The following FAM117A variants were observed in gnomAD, a reference collection of about 807,000 sequenced individuals.
FAM117A encodes family with sequence similarity 117 member A, also known as protein FAM117A.
FAM117A carries 21 observed loss-of-function variants against 44.1 expected under a neutral mutation model. That is an observed-to-expected ratio of 0.48 (90% confidence interval 0.34 to 0.69). The LOEUF is 0.69. Ranked by LOEUF, FAM117A falls within the 30% of genes least tolerant of loss-of-function variation. FAM117A has a pLI of 0.01. For missense variants in FAM117A, 498 were observed against 589.9 expected (o/e 0.84, Z 1.61); for synonymous variants, 220 against 238.3 (o/e 0.92, Z 0.71).
intron 1 of FAM117A, among the ~76,000 whole-genome samples, chr17:49,738,979 A>C (rs545735970): frequency 5.9e-5 from 9 of 152,176 alleles, no homozygotes; most frequent in African/African-American, 1.2e-4. Context: ...TGAGACAATG[A>C]CATGTCTCGT....
chr17:49,761,602 C>T (rs553817775), intron 1 of FAM117A, among the ~76,000 whole-genome samples: 1 of 152,212 alleles, frequency 6.6e-6, no homozygotes, highest in East Asian at 1.9e-4. Context: ...GATTTAAAAC[C>T]CAGGCATTCC....
upstream of FAM117A, chr17:49,765,641 G>T (rs2073743361): frequency 6.6e-6 from 1 of 152,172 alleles, no homozygotes; most frequent in African/African-American, 2.4e-5. Context: ...TTCAAGATCT[G>T]ACATTTGAAC....
chr17:49,717,919 C>A (rs189354293), intron 5 of FAM117A: 193 of 494,930 alleles, frequency 3.9e-4, no homozygotes, highest in African/African-American at 3.3e-3. Flanking sequence ...TAGCACTTTG[C>A]TCTTATCCCT....
At chr17:49,783,349 G>T (rs185380605) in intron 1 of FAM117A, among the ~76,000 whole-genome samples, 6 of 152,210 alleles carry the variant, frequency 3.9e-5, no homozygotes, top group Admixed American at 2.0e-4. Flanking sequence ...GTGGAGGAAG[G>T]GGGGGAGATG....
chr17:49,744,717 A>G (rs897241060), intron 1 of FAM117A, among the ~76,000 whole-genome samples: 11 of 151,906 alleles, frequency 7.2e-5, no homozygotes, highest in Admixed American at 6.6e-4. Flanking sequence ...TTTAAGAAAT[A>G]ATGACAAGAC....
At chr17:49,723,633 G>A (rs558965970) in intron 2 of FAM117A, among the ~76,000 whole-genome samples, 3 of 152,286 alleles carry the variant, frequency 2.0e-5, no homozygotes, top group East Asian at 3.9e-4. Flanking sequence ...GACCTCCCCC[G>A]AGAGGTTGTT....
chr17:49,720,268 T>C, intron 4 of FAM117A, 58 bp downstream of exon 4: 4 of 1,383,876 alleles, frequency 2.9e-6, no homozygotes, highest in Non-Finnish European at 4.1e-6. Context: ...CCTCTGCCCA[T>C]ATAGGGGGGC....
Position 49,716,148 on chromosome 17 carries a change from C to T in FAM117A, c.1061+17G>A. 7.0e-7 allele frequency: 1 copy of T among 1,432,880 alleles called. No homozygotes were observed. The highest frequency in any genetic ancestry group is 1.1e-5 in the South Asian group (1 of 87,686). The allele number at this position is 1,432,880 out of a possible 1,614,324, so 88.8% of individuals were successfully genotyped here. On this transcript the variant is annotated intron_variant, in intron 7 of 7. Coordinates refer to ENST00000240364, the MANE Select transcript of FAM117A (RefSeq NM_030802.4). ...CCCACCCTCCCCTCCCACACCCTGT[C>T]CACTTGGTGTACTCACGTGGCTTCT...
chr17:49,713,546 G>A (rs763751822), intron 7 of FAM117A, among the ~76,000 whole-genome samples: 3 of 151,748 alleles, frequency 2.0e-5, no homozygotes, highest in African/African-American at 4.8e-5. Flanking sequence ...TCACTCTGTT[G>A]TCCACGCTGG....
At chr17:49,716,679 C>T (rs145549944) in intron 6 of FAM117A, among the ~76,000 whole-genome samples, 2 of 152,272 alleles carry the variant, frequency 1.3e-5, no homozygotes, top group East Asian at 3.9e-4. Context: ...GCCAACATAC[C>T]ACAGCTTCTT....
At chr17:49,760,362 C>T (rs1211370916) in intron 1 of FAM117A, among the ~76,000 whole-genome samples, 2 of 152,150 alleles carry the variant, frequency 1.3e-5, no homozygotes, top group Non-Finnish European at 2.9e-5. Flanking sequence ...TGTAAAGTGA[C>T]ATATAGTAAA....
chr17:49,729,442 C>T (rs889630702), intron 2 of FAM117A, among the ~76,000 whole-genome samples: 16 of 150,438 alleles, frequency 1.1e-4, no homozygotes. Context: ...AAGGTAAGGG[C>T]AGCGGTAGGA....
intron 1 of FAM117A, among the ~76,000 whole-genome samples, chr17:49,746,567 G>A (rs951496256): frequency 6.6e-6 from 1 of 152,228 alleles, no homozygotes; most frequent in Non-Finnish European, 1.5e-5. Context: ...AAATTAAGAA[G>A]TGTCATGTCA....
At chr17:49,781,163 A>G (rs2073788565) in intron 1 of FAM117A, among the ~76,000 whole-genome samples, 1 of 152,254 alleles carries the variant, frequency 6.6e-6, no homozygotes, top group Non-Finnish European at 1.5e-5. Context: ...AACTGAATGT[A>G]GCTCAGACAA....
At chr17:49,713,814 T>A (rs1050916826) in intron 7 of FAM117A, among the ~76,000 whole-genome samples, 1 of 152,008 alleles carries the variant, frequency 6.6e-6, no homozygotes, top group Non-Finnish European at 1.5e-5. Context: ...CCAATTACCA[T>A]CTTAATTCCG....
In FAM117A at chr17:49,711,393, G is replaced by A. The variant is rs34759387; in HGVS notation, c.1224C>T (p.Pro408=). 81,959 of 1,612,772 alleles carry A rather than the reference G, an allele frequency of 0.051. 2,553 individuals are homozygous for A. Among genetic ancestry groups the A allele is most frequent in the Admixed American group, 0.13 (7,916 of 59,896 alleles). ...FRNCPSNPGS[P]LPPASPRPPP... ...GTGGCCTGGGGCTGGCCGGGGGAAG[G>A]GGAGATCCCGGGTTTGAGGGGCAGT... Residue 408 remains proline, a synonymous_variant, in exon 8 of 8, where the codon CCC becomes CCT. Coordinates refer to ENST00000240364, the MANE Select transcript of FAM117A (RefSeq NM_030802.4).
intron 1 of FAM117A, among the ~76,000 whole-genome samples, chr17:49,762,217 T>C (rs918178251): frequency 6.6e-6 from 1 of 152,218 alleles, no homozygotes; most frequent in African/African-American, 2.4e-5. Flanking sequence ...CCAGCTACTA[T>C]ACAGGTAGGC....
At chr17:49,711,654 A>G in intron 7 of FAM117A, 99 bp from the exon 8 acceptor site, 2 of 1,168,840 alleles carry the variant, frequency 1.7e-6, no homozygotes, top group Non-Finnish European at 2.5e-6. Flanking sequence ...GCAGCAGGAG[A>G]GCTGGGTCTC....
Position 49,711,391 on chromosome 17 carries a change from AG to A in FAM117A, c.1225del (p.Leu409PhefsTer43). ...RNCPSNPGSP[L>X]PPASPRPPPR... ...TGGTGGCCTGGGGCTGGCCGGGGGA[AG>A]GGGAGATCCCGGGTTTGAGGGGCAG... On this transcript the variant is annotated frameshift_variant, in exon 8 of 8. Coordinates refer to ENST00000240364, the MANE Select transcript of FAM117A (RefSeq NM_030802.4). LOFTEE classifies it high-confidence loss of function. 6.2e-7 allele frequency: 1 copy of A among 1,612,704 alleles called. No homozygotes were observed. The highest frequency in any genetic ancestry group is 2.2e-5 in the East Asian group (1 of 44,860).
Sources: allele counts gnomAD v4.1 joint callset (sites outside exome capture counted in the v4.1 genomes callset), GRCh38; gene constraint gnomAD v4.1.1; transcripts MANE v1.5; gene names NCBI Gene and HGNC (gene_info 2026-07-23, HGNC 2026-07-21).